The following CDH12 variants were observed in gnomAD, a reference collection of about 807,000 sequenced individuals.
CDH12 encodes cadherin-12.
In CDH12, 41 loss-of-function variants were observed where a neutral mutation model predicts 74.1. That is an observed-to-expected ratio of 0.55 (90% CI 0.43 to 0.72). The LOEUF is 0.72. Ranked by LOEUF, CDH12 falls within the 30% of genes least tolerant of loss-of-function variation. The probability of loss-of-function intolerance (pLI) is 0.00; values close to 1 mark genes in which losing one functional copy is unlikely to be tolerated. For missense variants in CDH12, 945 were observed against 977.2 expected (o/e 0.97, Z 0.44); for synonymous variants, 399 against 355.0 (o/e 1.12, Z -1.39).
intron 2 of CDH12, among the ~76,000 whole-genome samples, chr5:22,497,192 A>C (rs1158527786): frequency 6.6e-6 from 1 of 152,230 alleles, no homozygotes; most frequent in African/African-American, 2.4e-5. Context: ...AGTCAATATC[A>C]TATAACATAT....
At chr5:21,897,369 A>G (rs1297764311) in intron 6 of CDH12, among the ~76,000 whole-genome samples, 1 of 152,228 alleles carries the variant, frequency 6.6e-6, no homozygotes, top group Non-Finnish European at 1.5e-5. Context: ...TTACAAAAAA[A>G]TGTTTCCCAA....
chr5:22,830,524 G>A (rs181051776), intron 1 of CDH12, among the ~76,000 whole-genome samples: 76 of 151,640 alleles, frequency 5.0e-4, no homozygotes, highest in African/African-American at 1.8e-3. Context: ...GAAAAAGGAG[G>A]CACTTTCTGC....
At chr5:22,122,739 G>A (rs1172226067) in intron 4 of CDH12, among the ~76,000 whole-genome samples, 12 of 152,208 alleles carry the variant, frequency 7.9e-5, no homozygotes, top group Admixed American at 5.9e-4. Flanking sequence ...AGTGGCCATC[G>A]TTTAATCAGC....
chr5:21,922,957 T>TATCTAG lies in CDH12; in HGVS notation c.526+52133_526+52134insCTAGAT, dbSNP rs1191484284. ...GTATGTGTATCTATATCTATATCTA[T>TATCTAG]ATCTATATCTATATCTATATCTATA... On this transcript the variant is annotated intron_variant, in intron 6 of 14. Coordinates refer to ENST00000382254, the MANE Select transcript of CDH12 (RefSeq NM_004061.5). 2.7e-5 allele frequency among the ~76,000 whole-genome samples: 4 copies of TATCTAG among 146,838 alleles called. No homozygotes were observed. In the South Asian group the frequency reaches 8.3e-4, roughly 30 times the overall value.
intron 3 of CDH12, among the ~76,000 whole-genome samples, chr5:22,381,460 T>G (rs1580587671): frequency 1.3e-5 from 2 of 152,216 alleles, no homozygotes; most frequent in African/African-American, 2.4e-5. Context: ...TTAATGGCCT[T>G]TTCCAATACG....
intron 2 of CDH12, among the ~76,000 whole-genome samples, chr5:22,471,111 G>A (rs1412689185): frequency 6.6e-6 from 1 of 151,700 alleles, no homozygotes; most frequent in Non-Finnish European, 1.5e-5. Context: ...CTCTTTCTCG[G>A]TTGATGAACT....
chr5:21,788,160 TC>T (rs1746298062), intron 10 of CDH12, among the ~76,000 whole-genome samples: 1 of 152,138 alleles, frequency 6.6e-6, no homozygotes, highest in African/African-American at 2.4e-5. Context: ...ACAGACTGTT[TC>T]AATGCCTGAA....
chr5:22,598,161 C>T (rs1366751270), intron 1 of CDH12, among the ~76,000 whole-genome samples: 1 of 152,084 alleles, frequency 6.6e-6, no homozygotes, highest in Non-Finnish European at 1.5e-5. Context: ...TCCATTTCAA[C>T]TTTAAGATTC....
rs972248549 is a variant in CDH12, at chr5:22,524,805, TTTTA to T, written c.-522-19445_-522-19442del. Among the ~76,000 whole-genome samples, 258 of 151,744 alleles carry T rather than the reference TTTTA, an allele frequency of 1.7e-3. 3 individuals carry two copies. The highest frequency in any genetic ancestry group is 1.0e-3 in the Non-Finnish European group (70 of 67,980). On this transcript the variant is annotated intron_variant, in intron 1 of 14. Coordinates refer to ENST00000382254, the MANE Select transcript of CDH12 (RefSeq NM_004061.5). ...TATTTTATTTTATTTTTATTTTTAT[TTTTA>T]TTTATTTATTTTTTATTATACTTTA...
intron 5 of CDH12, among the ~76,000 whole-genome samples, chr5:21,980,161 C>T (rs1299406708): frequency 2.7e-5 from 4 of 145,634 alleles, no homozygotes; most frequent in Non-Finnish European, 6.0e-5. Context: ...AAAAAAAAAA[C>T]ATACATACAT....
intron 1 of CDH12, among the ~76,000 whole-genome samples, chr5:22,844,249 A>G (rs1737204698): frequency 6.6e-6 from 1 of 152,086 alleles, no homozygotes; most frequent in South Asian, 2.1e-4. Flanking sequence ...TCCTATAATA[A>G]CTTGGAAATC....
In CDH12 at chr5:21,992,850, T is replaced by C. The variant is rs187692287; in HGVS notation, c.232-17465A>G. On this transcript the variant is annotated intron_variant, in intron 5 of 14. Transcript: ENST00000382254. ...TTTCACTCTGCTGTAAAGAATTACC[T>C]GAGACTGGGTAATTTATAAAGAAAA... Among the ~76,000 whole-genome samples, 1,153 of 152,264 alleles carry C rather than the reference T, an allele frequency of 7.6e-3. 14 individuals carry two copies. The highest frequency in any genetic ancestry group is 0.026 in the African/African-American group (1,095 of 41,538).
chr5:22,243,354 A>C (rs1239053704), intron 3 of CDH12, among the ~76,000 whole-genome samples: 1 of 152,198 alleles, frequency 6.6e-6, no homozygotes, highest in Non-Finnish European at 1.5e-5. Flanking sequence ...AAACAAATAA[A>C]TGTTAAGAAT....
intron 1 of CDH12, among the ~76,000 whole-genome samples, chr5:22,613,795 T>A (rs1242557676): frequency 6.6e-6 from 1 of 152,060 alleles, no homozygotes; most frequent in Admixed American, 6.6e-5. Flanking sequence ...TGGCTAAATA[T>A]CTTCTTTTAT....
chr5:22,574,073 C>CTTTTTTTTT lies in CDH12; in HGVS notation c.-522-68718_-522-68710dup, dbSNP rs543910610. On this transcript the variant is annotated intron_variant, in intron 1 of 14. Transcript: ENST00000382254. The stretch of plus-strand genomic sequence containing the variant: ...TGGATACTTTTCTCTGTCTCTCTCT[C>CTTTTTTTTT]TTTTTTTTTTTTTTTTTTTTTTTTG... Among the ~76,000 whole-genome samples the CTTTTTTTTT allele has an allele frequency of 2.5e-4, 22 of 87,464 alleles. 1 individual carries two copies. Among genetic ancestry groups the CTTTTTTTTT allele is most frequent in the Non-Finnish European group, 4.1e-4 (19 of 46,680 alleles). 57.4% of individuals were successfully genotyped at this position (87,464 alleles called of 152,430 possible). A position where few individuals can be genotyped will look rare whatever the true frequency, so the allele number is the denominator to read the frequency against.
intron 1 of CDH12, among the ~76,000 whole-genome samples, chr5:22,770,655 G>T (rs2126308357): frequency 6.6e-6 from 1 of 152,134 alleles, no homozygotes; most frequent in South Asian, 2.1e-4. Context: ...TTAATAATAT[G>T]GTAGCAGCTA....
At chr5:22,575,441 G>A (rs1739736290) in intron 1 of CDH12, among the ~76,000 whole-genome samples, 1 of 151,302 alleles carries the variant, frequency 6.6e-6, no homozygotes, top group East Asian at 1.9e-4. Flanking sequence ...CACCCAAGCT[G>A]GAGGGCAGTG....
At chr5:22,568,108 T>C (rs377386770) in intron 1 of CDH12, among the ~76,000 whole-genome samples, 5 of 152,188 alleles carry the variant, frequency 3.3e-5, no homozygotes, top group East Asian at 3.9e-4. Context: ...CTGGAAAACC[T>C]AAGAACTGGA....
chr5:22,452,880 C>CAAAAAAAA (rs768945480), intron 2 of CDH12, among the ~76,000 whole-genome samples: 79 of 32,134 alleles, frequency 2.5e-3, no homozygotes, highest in Middle Eastern at 0.062. Flanking sequence ...AACCTAAGAG[C>CAAAAAAAA]AAAAAAAAAA....
Sources: gnomAD v4.1 joint callset for allele counts (sites outside exome capture counted in the v4.1 genomes callset) on GRCh38, gnomAD v4.1.1 for gene constraint, MANE v1.5 for transcripts, NCBI Gene and HGNC (gene_info 2026-07-23, HGNC 2026-07-21) for gene names.